Variants in RSRC1 observed in about 807,000 individuals in gnomAD.
RSRC1 encodes serine/Arginine-related protein 53.
A neutral mutation model predicts 49.1 loss-of-function variants in RSRC1; 39 were observed. That is an observed-to-expected ratio of 0.79 (90% CI 0.61 to 1.04). The LOEUF (loss-of-function observed/expected upper bound fraction) is 1.04. Among genes scored for constraint, RSRC1 ranks in the 50% least tolerant of loss-of-function variants. RSRC1 has a pLI of 0.00. For missense variants in RSRC1, 388 were observed against 402.4 expected, an observed-to-expected ratio of 0.96 and a Z score of 0.31; for synonymous variants, 143 against 130.8, an observed-to-expected ratio of 1.09 and a Z score of -0.63.
At chr3:158,136,356 T>C (rs1716376949) in intron 3 of RSRC1, among the ~76,000 whole-genome samples, 1 of 152,198 alleles carries the variant, frequency 6.6e-6, no homozygotes, top group Non-Finnish European at 1.5e-5. Flanking sequence ...TCTAAAATAG[T>C]TATAATTAAA....
chr3:158,344,888 C>T (rs1272764854), intron 5 of RSRC1, among the ~76,000 whole-genome samples: 1 of 151,926 alleles, frequency 6.6e-6, no homozygotes, highest in South Asian at 2.1e-4. Flanking sequence ...GAGTTAAAGC[C>T]AATAAGCCAA....
chr3:158,143,198 T>G (rs1004739743), intron 3 of RSRC1, among the ~76,000 whole-genome samples: 4 of 152,182 alleles, frequency 2.6e-5, no homozygotes, highest in African/African-American at 9.7e-5. Context: ...CCTGGTTGAT[T>G]GTTTGAAATC....
At chr3:158,391,316 G>A (rs916581028) in intron 6 of RSRC1, among the ~76,000 whole-genome samples, 2 of 152,214 alleles carry the variant, frequency 1.3e-5, no homozygotes, top group Admixed American at 1.3e-4. Context: ...AACTGGCATA[G>A]TAGAGCCACA....
At chr3:158,345,063 T>TA (rs764384812) in intron 5 of RSRC1, among the ~76,000 whole-genome samples, 214 of 135,422 alleles carry the variant, frequency 1.6e-3, no homozygotes, top group Middle Eastern at 3.7e-3. Context: ...TACTAAAAAA[T>TA]AAAAAAAAAA....
intron 5 of RSRC1, among the ~76,000 whole-genome samples, chr3:158,346,682 A>G (rs777804254): frequency 6.6e-6 from 1 of 152,224 alleles, no homozygotes; most frequent in Admixed American, 6.5e-5. Flanking sequence ...CTGGTGGGAT[A>G]CTAAAAACAC....
chr3:158,467,005 G>T (rs1038392845), intron 7 of RSRC1, among the ~76,000 whole-genome samples: 1 of 152,170 alleles, frequency 6.6e-6, no homozygotes, highest in Admixed American at 6.5e-5. Flanking sequence ...GTTCCATTGA[G>T]CTGGATTAAG....
intron 6 of RSRC1, among the ~76,000 whole-genome samples, chr3:158,442,757 T>A (rs1159727870): frequency 6.6e-6 from 1 of 152,046 alleles, no homozygotes; most frequent in Non-Finnish European, 1.5e-5. Context: ...TTTCAAGTCT[T>A]ATTGTTTAAG....
At chr3:158,154,359 T>A (rs1717733269) in intron 3 of RSRC1, among the ~76,000 whole-genome samples, 1 of 152,154 alleles carries the variant, frequency 6.6e-6, no homozygotes, top group Non-Finnish European at 1.5e-5. Flanking sequence ...GCGGTGGCAA[T>A]TTAAAATAAG....
intron 5 of RSRC1, chr3:158,302,841 T>C (rs1372863531): frequency 1.3e-5 from 2 of 151,910 alleles, no homozygotes; most frequent in Non-Finnish European, 2.9e-5. Flanking sequence ...TTTATATGTT[T>C]AGTAGAGACC....
chr3:158,200,403 A>G (rs1720975282), intron 3 of RSRC1, among the ~76,000 whole-genome samples: 1 of 152,162 alleles, frequency 6.6e-6, no homozygotes, highest in Non-Finnish European at 1.5e-5. Flanking sequence ...GATAGCATGT[A>G]GTTGTTGTTT....
At chr3:158,450,435 C>T (rs567501925) in intron 6 of RSRC1, among the ~76,000 whole-genome samples, 187 of 150,142 alleles carry the variant, frequency 1.2e-3, no homozygotes, top group East Asian at 3.9e-4. Context: ...TTACTATGGA[C>T]GCATATGGTG....
intron 1 of RSRC1, among the ~76,000 whole-genome samples, chr3:158,121,449 G>T (rs1200864053): frequency 6.6e-6 from 1 of 152,116 alleles, no homozygotes; most frequent in Non-Finnish European, 1.5e-5. Flanking sequence ...AGTGTGTGAA[G>T]AGCTGACTGA....
At chr3:158,522,023 G>T (rs1468187156) in intron 7 of RSRC1, among the ~76,000 whole-genome samples, 1 of 151,952 alleles carries the variant, frequency 6.6e-6, no homozygotes, top group Non-Finnish European at 1.5e-5. Flanking sequence ...TAAAGGGTAG[G>T]ATCGTTATTG....
At chr3:158,244,051 A>G (rs1008816486) in intron 4 of RSRC1, among the ~76,000 whole-genome samples, 1 of 149,822 alleles carries the variant, frequency 6.7e-6, no homozygotes, top group Non-Finnish European at 1.5e-5. Context: ...TTTTATATAT[A>G]GGATTACACC....
chr3:158,291,749 C>G (rs1484395187), intron 4 of RSRC1, among the ~76,000 whole-genome samples: 7 of 152,082 alleles, frequency 4.6e-5, no homozygotes, highest in Non-Finnish European at 1.0e-4. Context: ...TAACCCGATT[C>G]CTCTAGACTA....
At chr3:158,207,957 G>T (rs546685381) in intron 4 of RSRC1, among the ~76,000 whole-genome samples, 1 of 151,982 alleles carries the variant, frequency 6.6e-6, no homozygotes, top group Non-Finnish European at 1.5e-5. Flanking sequence ...TGTAGAATTC[G>T]TCTTATAATG....
intron 7 of RSRC1, among the ~76,000 whole-genome samples, chr3:158,514,201 G>A: frequency 6.6e-6 from 1 of 152,054 alleles, no homozygotes; most frequent in Non-Finnish European, 1.5e-5. Flanking sequence ...TCTTTTAATT[G>A]TGATGTTAGG....
chr3:158,169,131 A>C (rs781351208), intron 3 of RSRC1, among the ~76,000 whole-genome samples: 6 of 152,200 alleles, frequency 3.9e-5, no homozygotes, highest in Non-Finnish European at 7.3e-5. Flanking sequence ...GGTTTTCACA[A>C]AACAACCAAC....
In RSRC1 at chr3:158,517,348, C is replaced by A. The variant is rs188930438; in HGVS notation, c.653-19744C>A. On this transcript the variant is annotated intron_variant, in intron 7 of 9. Transcript: ENST00000611884. ...CTTGTTATATCATTTCTTTCTTTTT[C>A]TTTTCTCACTGCACTGACTGCAACC... Among the ~76,000 whole-genome samples, 4 of 152,048 alleles carry A rather than the reference C, an allele frequency of 2.6e-5. No homozygotes were observed. In the East Asian group the frequency reaches 7.7e-4, roughly 29 times the overall value.
Sources: allele counts gnomAD v4.1 joint callset (sites outside exome capture counted in the v4.1 genomes callset), GRCh38; gene constraint gnomAD v4.1.1; transcripts MANE v1.5; gene names NCBI Gene and HGNC (gene_info 2026-07-23, HGNC 2026-07-21).